KIF1B: variants seen among roughly 807,000 people sequenced by gnomAD.
KIF1B encodes kinesin-like protein KIF1B.
A neutral mutation model predicts 241.9 loss-of-function variants in KIF1B; 76 were observed. The ratio of observed to expected loss-of-function variants is 0.31; its 90% CI spans 0.26 to 0.38. The LOEUF (loss-of-function observed/expected upper bound fraction) is 0.38, where lower values mean the gene tolerates loss of function less well. Among genes scored for constraint, KIF1B ranks in the 10% least tolerant of loss-of-function variants. The probability of loss-of-function intolerance (pLI) is 1.00; values close to 1 mark genes in which losing one functional copy is unlikely to be tolerated. For missense variants in KIF1B, 1,622 were observed against 2,271.4 expected, an observed-to-expected ratio of 0.71 and a Z score of 5.81; for synonymous variants, 750 against 796.7, an observed-to-expected ratio of 0.94 and a Z score of 0.99.
At chr1:10,235,251 T>C (rs970044559) in intron 2 of KIF1B, among the ~76,000 whole-genome samples, 1 of 152,074 alleles carries the variant, frequency 6.6e-6, no homozygotes, top group Admixed American at 6.6e-5. Context: ...CAAAGGATTA[T>C]TATTTTATTT....
Position 10,337,067 on chromosome 1 carries a change from T to G in KIF1B, c.3130-7T>G, listed in dbSNP as rs1238649347. 2 of 1,614,074 alleles carry G rather than the reference T, an allele frequency of 1.2e-6. No individual in the cohort carries two copies. Among genetic ancestry groups the G allele is most frequent in the African/African-American group, 2.7e-5 (2 of 74,934 alleles). ...TTACCATGTATCTGCCCCTGCCTTT[T>G]TTTCAGAGTGACTTTTCGTCTGTTG... On this transcript the variant is annotated splice_region_variant and splice_polypyrimidine_tract_variant and intron_variant, in intron 29 of 48. Coordinates refer to ENST00000676179, the MANE Select transcript of KIF1B (RefSeq NM_001365951.3). This position sits in a 1 kb window ranked among gnomAD's most constrained non-coding sequence, Gnocchi z 4.0.
intron 38 of KIF1B, among the ~76,000 whole-genome samples, chr1:10,360,292 C>T (rs573335878): frequency 6.6e-6 from 1 of 152,242 alleles, no homozygotes; most frequent in Non-Finnish European, 1.5e-5. Flanking sequence ...CTTTCAGTTT[C>T]TGTCCATACT....
chr1:10,255,689 A>C (rs1167939292), intron 2 of KIF1B, among the ~76,000 whole-genome samples: 2 of 152,228 alleles, frequency 1.3e-5, no homozygotes, highest in Admixed American at 6.5e-5. Context: ...CTGAGCATCT[A>C]CTTTATACCA....
chr1:10,275,674 C>G (rs939961604), intron 11 of KIF1B, among the ~76,000 whole-genome samples, 171 bp downstream of exon 11: 1 of 152,120 alleles, frequency 6.6e-6, no homozygotes, highest in African/African-American at 2.4e-5. Flanking sequence ...GTTGGATTCC[C>G]TTGGTTTTAA....
chr1:10,336,233 C>A (rs1652170901), intron 28 of KIF1B, among the ~76,000 whole-genome samples: 2 of 152,208 alleles, frequency 1.3e-5, no homozygotes, highest in African/African-American at 4.8e-5. Context: ...ACTGCAACCT[C>A]CGCCTCCCGG....
At chr1:10,250,385 G>A (rs926007734) in intron 2 of KIF1B, among the ~76,000 whole-genome samples, 1 of 151,386 alleles carries the variant, frequency 6.6e-6, no homozygotes, top group African/African-American at 2.4e-5. Context: ...GTTGCCCAGG[G>A]TGGGGTGCAG....
At chr1:10,375,734 A>G (rs1306146809) in intron 48 of KIF1B, among the ~76,000 whole-genome samples, 1 of 150,048 alleles carries the variant, frequency 6.7e-6, no homozygotes, top group African/African-American at 2.5e-5. Flanking sequence ...GGCTTCAGGA[A>G]TATCAGGATA....
chr1:10,252,386 T>TTTGTTGTTGTTGTTGTTG (rs70997214), intron 2 of KIF1B, among the ~76,000 whole-genome samples: 49 of 149,932 alleles, frequency 3.3e-4, no homozygotes, highest in African/African-American at 1.1e-3. Flanking sequence ...TTGTGGGGTT[T>TTTGTTGTTGTTGTTGTTG]TTGTTGTTGT....
intron 2 of KIF1B, among the ~76,000 whole-genome samples, chr1:10,246,796 GATC>G (rs572240327): frequency 9.7e-4 from 147 of 152,214 alleles, no homozygotes; most frequent in African/African-American, 3.3e-3. Flanking sequence ...TTTGCAATCA[GATC>G]ATGTCACCCC....
At chr1:10,221,021 T>C (rs1351251434) in intron 1 of KIF1B, among the ~76,000 whole-genome samples, 1 of 150,886 alleles carries the variant, frequency 6.6e-6, no homozygotes, top group Admixed American at 6.6e-5. Flanking sequence ...TATTGGAGAT[T>C]AAAAATCTGA....
intron 22 of KIF1B, chr1:10,304,079 A>G (rs1447022088): frequency 2.5e-6 from 4 of 1,613,828 alleles, no homozygotes; most frequent in South Asian, 2.2e-5. Flanking sequence ...TTTAAGAGCA[A>G]CCCTAAACAC....
At chr1:10,280,340 T>C (rs528799656) in intron 14 of KIF1B, among the ~76,000 whole-genome samples, 2 of 152,032 alleles carry the variant, frequency 1.3e-5, no homozygotes, top group African/African-American at 4.8e-5. Flanking sequence ...GTTCAAGCGA[T>C]TTCTCCTGCC....
In KIF1B at chr1:10,377,740, C is replaced by G. The variant is rs1310237450; in HGVS notation, c.*1153C>G. The G allele has an allele frequency of 5.4e-6, 1 of 185,866 alleles. No individual in the cohort carries two copies. Among genetic ancestry groups the G allele is most frequent in the East Asian group, 8.8e-5 (1 of 11,362 alleles). 11.5% of individuals were successfully genotyped at this position (185,866 alleles called of 1,614,324 possible). On this transcript the variant is annotated 3_prime_UTR_variant, in exon 49 of 49. Transcript: ENST00000676179. ...GATCACGAGATCAGGAGTTCAAGAC[C>G]AGCCTGGCCAATATGATGAAACCCC...
chr1:10,249,297 T>C (rs1647312486), intron 2 of KIF1B, among the ~76,000 whole-genome samples: 1 of 152,248 alleles, frequency 6.6e-6, no homozygotes, highest in African/African-American at 2.4e-5. Context: ...GCTGTGTTAA[T>C]TATGCCCAGT....
intron 7 of KIF1B, among the ~76,000 whole-genome samples, chr1:10,269,148 ACCACTGTCACTAATTATTAAAATCACC>A (rs1648640123): frequency 6.6e-6 from 1 of 152,166 alleles, no homozygotes; most frequent in African/African-American, 2.4e-5. Context: ...TACTTTAGAC[ACCACTGTCACTAATTATTAAAATCACC>A]TTTTATTTGT....
chr1:10,284,502 A>T (rs1181455430), intron 15 of KIF1B, among the ~76,000 whole-genome samples: 1 of 152,096 alleles, frequency 6.6e-6, no homozygotes, highest in Non-Finnish European at 1.5e-5. Context: ...CCTGGCCAAC[A>T]TGGTGAAACC....
intron 38 of KIF1B, among the ~76,000 whole-genome samples, chr1:10,359,095 G>T (rs1638342289): frequency 6.6e-6 from 1 of 152,152 alleles, no homozygotes; most frequent in South Asian, 2.1e-4. Context: ...ACTGCCACTT[G>T]GAAGATGAGG....
At chr1:10,339,515 C>T (rs920141219) in intron 31 of KIF1B, among the ~76,000 whole-genome samples, 1 of 152,198 alleles carries the variant, frequency 6.6e-6, no homozygotes, top group African/African-American at 2.4e-5. Context: ...TTCACTCTCT[C>T]TAAAGCATTC....
At chr1:10,323,010 T>G (rs1651582300) in intron 24 of KIF1B, among the ~76,000 whole-genome samples, 1 of 152,216 alleles carries the variant, frequency 6.6e-6, no homozygotes, top group South Asian at 2.1e-4. Flanking sequence ...TATGGCTCAC[T>G]ACTGCCTCCA....
Sources: gnomAD v4.1 joint callset for allele counts (sites outside exome capture counted in the v4.1 genomes callset) on GRCh38, gnomAD v4.1.1 for gene constraint, Gnocchi (gnomAD v3.1) non-coding constraint, MANE v1.5 for transcripts, NCBI Gene and HGNC (gene_info 2026-07-23, HGNC 2026-07-21) for gene names.